TARBP1: variants seen among roughly 807,000 people sequenced by gnomAD.
TARBP1 encodes tRNA guanosine 2 -O-methyltransferase TARBP1, also known as tRNA (guanosine(18)-2'-O)-methyltransferase TARBP1.
A neutral mutation model predicts 178.6 loss-of-function variants in TARBP1; 144 were observed. That is an observed-to-expected ratio of 0.81 (90% CI 0.70 to 0.93). The LOEUF is 0.93. Among genes scored for constraint, TARBP1 ranks in the 40% least tolerant of loss-of-function variants. The pLI, the probability that TARBP1 is intolerant of heterozygous loss-of-function variation, is 0.00. For missense variants in TARBP1, 2,067 were observed against 2,011.7 expected (o/e 1.03, Z -0.53); for synonymous variants, 787 against 781.0 (o/e 1.01, Z -0.13).
At chr1:234,417,524 T>C (rs1332931884) in intron 22 of TARBP1, among the ~76,000 whole-genome samples, 1 of 152,186 alleles carries the variant, frequency 6.6e-6, no homozygotes, top group Non-Finnish European at 1.5e-5. Flanking sequence ...TGGAAACAAT[T>C]TGCTCTTTGT....
In TARBP1 at chr1:234,446,572, G is replaced by GT. The variant is rs1666191727; in HGVS notation, c.2134+230dup. Among the ~76,000 whole-genome samples, 4 of 151,170 alleles carry GT rather than the reference G, an allele frequency of 2.6e-5. No homozygotes were observed. In the South Asian group the frequency reaches 8.3e-4, roughly 32 times the overall value. On this transcript the variant is annotated intron_variant, in intron 12 of 29. Transcript: ENST00000040877. ...GAATGTCAACTCACGAGAACAGATG[G>GT]TTGCTCCTTCACCACTGTATCCCCA...
chr1:234,461,623 GTT>G (rs1257964598), intron 6 of TARBP1, among the ~76,000 whole-genome samples: 2 of 152,128 alleles, frequency 1.3e-5, no homozygotes, highest in African/African-American at 4.8e-5. Context: ...AGATAAAATT[GTT>G]TATGATTAGA....
At chr1:234,467,068 T>G (rs1202255631) in intron 4 of TARBP1, among the ~76,000 whole-genome samples, 1 of 152,160 alleles carries the variant, frequency 6.6e-6, no homozygotes, top group African/African-American at 2.4e-5. Flanking sequence ...TAATAAATAT[T>G]GCTTAGAAGG....
In TARBP1 at chr1:234,393,684, A is replaced by G. The variant is rs779248143; in HGVS notation, c.4397T>C (p.Val1466Ala). ...RLGKSISRLI[V>A]VASLIDKPTN... ...CGGTTTGTCGATGAGCGAGGCCACA[A>G]CGATGAGTCTACTAATTGACTTTCC... Residue 1466 changes from valine (V) to alanine (A), a missense_variant, in exon 27 of 30, where the codon GTT becomes GCT. Coordinates refer to ENST00000040877, the MANE Select transcript of TARBP1 (RefSeq NM_005646.4). 6.2e-7 allele frequency: 1 copy of G among 1,613,928 alleles called. No individual in the cohort carries two copies. The highest frequency in any genetic ancestry group is 1.1e-5 in the South Asian group (1 of 91,066).
chr1:234,459,063 A>T (rs1040965329), intron 8 of TARBP1, among the ~76,000 whole-genome samples, 167 bp downstream of exon 8: 1 of 152,240 alleles, frequency 6.6e-6, no homozygotes, highest in African/African-American at 2.4e-5. Flanking sequence ...CCAGCCAAGG[A>T]CTATTTAGAG....
At chr1:234,452,012 G>C (rs969018579) in intron 9 of TARBP1, among the ~76,000 whole-genome samples, 1 of 152,158 alleles carries the variant, frequency 6.6e-6, no homozygotes, top group African/African-American at 2.4e-5. Flanking sequence ...CAAAATACGT[G>C]AGGCTTTTCG....
At position 234,477,333 on chromosome 1, in the gene TARBP1, C is replaced by G. The variant is rs556648403; in HGVS notation, c.931+840G>C. Among the ~76,000 whole-genome samples the G allele has an allele frequency of 4.6e-5, 7 of 152,362 alleles. No individual in the cohort carries two copies. The East Asian group carries it at 1.3e-3, about 29-fold the overall frequency. The stretch of plus-strand genomic sequence containing the variant: ...TGTGGACTGTTCAAATATTTACTCT[C>G]TAATGTTTTAAAATTACTTGAAAAT... On this transcript the variant is annotated intron_variant, in intron 1 of 29. Transcript: ENST00000040877.
At chr1:234,400,924 C>A in intron 25 of TARBP1, 1 of 288,412 alleles carries the variant, frequency 3.5e-6, no homozygotes, top group Non-Finnish European at 6.5e-6. Flanking sequence ...ATATTCCCTT[C>A]CATTGTTTAC....
At chr1:234,454,375 TA>T (rs1667082823) in intron 9 of TARBP1, among the ~76,000 whole-genome samples, 1 of 152,186 alleles carries the variant, frequency 6.6e-6, no homozygotes, top group African/African-American at 2.4e-5. Context: ...TTAAGCCCTT[TA>T]AACTCCTTAT....
At chr1:234,475,787 C>T (rs938336464) in intron 1 of TARBP1, among the ~76,000 whole-genome samples, 2 of 152,236 alleles carry the variant, frequency 1.3e-5, no homozygotes, top group Non-Finnish European at 2.9e-5. Context: ...TGGCTGAAGA[C>T]CTCCATCGGT....
At chr1:234,402,729 C>T (rs1660820824) in intron 24 of TARBP1, among the ~76,000 whole-genome samples, 1 of 152,006 alleles carries the variant, frequency 6.6e-6, no homozygotes, top group Non-Finnish European at 1.5e-5. Flanking sequence ...TGCATGCCAC[C>T]ATACCCCGCT....
chr1:234,425,048 C>A (rs1017190829), intron 20 of TARBP1, among the ~76,000 whole-genome samples: 2 of 143,286 alleles, frequency 1.4e-5, no homozygotes, highest in East Asian at 4.2e-4. Context: ...ACAACAAGAG[C>A]GAAACTCCGT....
intron 5 of TARBP1, among the ~76,000 whole-genome samples, chr1:234,464,145 T>A (rs1296299214): frequency 6.6e-6 from 1 of 152,216 alleles, no homozygotes; most frequent in Non-Finnish European, 1.5e-5. Context: ...AAAATGGACA[T>A]GAGTTAATAA....
chr1:234,429,255 T>A lies in TARBP1; in HGVS notation c.2941A>T (p.Ser981Cys), dbSNP rs1239935406. ...DMAWKIISSLSNTQLIFWANL... is the reference protein window; with the variant it reads ...DMAWKIISSLCNTQLIFWANL... ...GCCCAGAATATCAGCTGAGTGTTGC[T>A]TAAAGAAGATATAATTTTCCACGCC... The change falls in exon 17 of 30, where the codon AGC becomes TGC. Residue 981 changes from serine to cysteine, a missense_variant. Ser to Cys is a moderately radical substitution (Grantham distance 112). Transcript: ENST00000040877. The A allele has an allele frequency of 6.2e-7, 1 of 1,606,984 alleles. No individual in the cohort carries two copies. Among genetic ancestry groups the A allele is most frequent in the African/African-American group, 1.3e-5 (1 of 74,480 alleles).
chr1:234,473,525 TCTCTACCTGCCCC>T (rs1669275668), intron 1 of TARBP1, among the ~76,000 whole-genome samples: 1 of 152,214 alleles, frequency 6.6e-6, no homozygotes, highest in African/African-American at 2.4e-5. Flanking sequence ...CTGCGACTCC[TCTCTACCTGCCCC>T]CTCAGGTCCT....
chr1:234,426,319 G>A (rs986551281), intron 19 of TARBP1, among the ~76,000 whole-genome samples: 19 of 152,240 alleles, frequency 1.2e-4, no homozygotes, highest in African/African-American at 3.9e-4. Context: ...GTCACATTCC[G>A]TTATAATTGT....
At chr1:234,441,825 A>C (rs908975587) in intron 12 of TARBP1, among the ~76,000 whole-genome samples, 2 of 152,188 alleles carry the variant, frequency 1.3e-5, no homozygotes, top group Non-Finnish European at 2.9e-5. Context: ...TTTAGTGATC[A>C]CCTTTCCCTT....
Position 234,393,355 on chromosome 1 carries a change from C to T in TARBP1, c.4560+7G>A. 1.3e-6 allele frequency: 2 copies of T among 1,508,466 alleles called. No individual in the cohort carries two copies. The highest frequency in any genetic ancestry group is 8.9e-7 in the Non-Finnish European group (1 of 1,121,578). 93.4% of individuals were successfully genotyped at this position (1,508,466 alleles called of 1,614,324 possible). A position where few individuals can be genotyped will look rare whatever the true frequency, so the allele number is the denominator to read the frequency against. ...AGAACTTTAATAATAAATTACTTTC[C>T]ACCCACCTCCACTAGAGGAAGCCAC... On this transcript the variant is annotated splice_region_variant and intron_variant, in intron 28 of 29. Coordinates refer to ENST00000040877, the MANE Select transcript of TARBP1 (RefSeq NM_005646.4).
chr1:234,413,455 C>G (rs985187626), intron 22 of TARBP1, among the ~76,000 whole-genome samples: 6 of 151,146 alleles, frequency 4.0e-5, no homozygotes, highest in African/African-American at 1.5e-4. Context: ...GCTTGGGCGA[C>G]AAGAACGAAA....
Sources: gnomAD v4.1 joint callset for allele counts (sites outside exome capture counted in the v4.1 genomes callset) on GRCh38, gnomAD v4.1.1 for gene constraint, MANE v1.5 for transcripts, NCBI Gene and HGNC (gene_info 2026-07-23, HGNC 2026-07-21) for gene names.